The following CLDN10 variants were observed in gnomAD, a reference collection of about 807,000 sequenced individuals.
The protein encoded by CLDN10 is claudin 10.
A neutral mutation model predicts 22.9 loss-of-function variants in CLDN10; 15 were observed. The observed-to-expected ratio is 0.65, with a 90% CI of 0.44 to 1.01. The LOEUF is 1.01. Ranked by LOEUF, CLDN10 falls within the 50% of genes least tolerant of loss-of-function variation. CLDN10 has a pLI of 0.00. For missense variants in CLDN10, 247 were observed against 287.8 expected (o/e 0.86, Z 1.03); for synonymous variants, 114 against 111.4 (o/e 1.02, Z -0.15).
At chr13:95,433,914 G>C in exon 1 of CLDN10, 1 of 1,614,216 alleles carries the variant, frequency 6.2e-7, no homozygotes, top group Non-Finnish European at 8.5e-7. Context: ...CGTCCAATGA[G>C]TGGAAAGTGA....
At chr13:95,550,487 G>A (rs9302080), upstream of CLDN10, among the ~76,000 whole-genome samples, 102,178 of 152,042 alleles carry the variant, frequency 0.67, 34,628 homozygotes, top group African/African-American at 0.72. Context: ...TACCATAGGC[G>A]AGCCACGGTA....
At chr13:95,488,242 CAA>C (rs1270135725) in intron 1 of CLDN10, among the ~76,000 whole-genome samples, 29 of 67,788 alleles carry the variant, frequency 4.3e-4, no homozygotes, top group Non-Finnish European at 4.6e-4. Context: ...GACCCCATCT[CAA>C]AAAAAAAAAA....
chr13:95,470,319 C>CTGGA (rs1233917198), intron 1 of CLDN10, among the ~76,000 whole-genome samples: 1 of 152,116 alleles, frequency 6.6e-6, no homozygotes, highest in Non-Finnish European at 1.5e-5. Flanking sequence ...GTTAACTAGG[C>CTGGA]TGGACTTGAA....
intron 3 of CLDN10, among the ~76,000 whole-genome samples, chr13:95,564,607 T>A (rs2043759043): frequency 6.6e-6 from 1 of 152,214 alleles, no homozygotes; most frequent in Non-Finnish European, 1.5e-5. Flanking sequence ...TTGTATGCCG[T>A]GTTAATTGGA....
intron 1 of CLDN10, among the ~76,000 whole-genome samples, chr13:95,544,924 G>A (rs1047928979): frequency 6.6e-6 from 1 of 151,706 alleles, no homozygotes; most frequent in African/African-American, 2.4e-5. Context: ...TTACAGGTGT[G>A]TGCCACCACA....
At chr13:95,555,077 T>G (rs1005915573) in intron 1 of CLDN10, among the ~76,000 whole-genome samples, 62 of 122,732 alleles carry the variant, frequency 5.1e-4, no homozygotes, top group Admixed American at 1.8e-3. Context: ...TGAGACGGAG[T>G]TTTGCTCTTG....
intron 1 of CLDN10, among the ~76,000 whole-genome samples, chr13:95,540,669 G>A (rs1000998854): frequency 6.6e-6 from 1 of 152,178 alleles, no homozygotes; most frequent in African/African-American, 2.4e-5. Flanking sequence ...TGGGAAATGA[G>A]AAGTGATGTT....
At chr13:95,470,075 C>T (rs1330759229) in intron 1 of CLDN10, among the ~76,000 whole-genome samples, 4 of 152,142 alleles carry the variant, frequency 2.6e-5, no homozygotes, top group Non-Finnish European at 5.9e-5. Context: ...TACTGGGCTA[C>T]ATGGACTTTT....
chr13:95,544,258 C>A (rs1056575723), intron 1 of CLDN10, among the ~76,000 whole-genome samples: 1 of 152,154 alleles, frequency 6.6e-6, no homozygotes, highest in African/African-American at 2.4e-5. Flanking sequence ...ATTCAGGTTG[C>A]TTAACCAAAT....
At chr13:95,451,684 T>C (rs2042432905) in intron 1 of CLDN10, among the ~76,000 whole-genome samples, 2 of 152,340 alleles carry the variant, frequency 1.3e-5, no homozygotes, top group South Asian at 4.1e-4. Flanking sequence ...TTATAAGCCT[T>C]ATGAAGACAG....
chr13:95,511,190 G>A (rs2043093650), intron 1 of CLDN10, among the ~76,000 whole-genome samples: 1 of 151,970 alleles, frequency 6.6e-6, no homozygotes, highest in African/African-American at 2.4e-5. Flanking sequence ...ACATCTGAAA[G>A]TCAGTCAACT....
chr13:95,439,634 T>C (rs1257871216), intron 1 of CLDN10, among the ~76,000 whole-genome samples: 2 of 151,300 alleles, frequency 1.3e-5, no homozygotes, highest in African/African-American at 2.4e-5. Flanking sequence ...ATGCCCAGCC[T>C]CTGGGGCCTC....
chr13:95,524,148 T>A (rs2043252592), intron 1 of CLDN10, among the ~76,000 whole-genome samples: 1 of 150,412 alleles, frequency 6.6e-6, no homozygotes, highest in African/African-American at 2.4e-5. Flanking sequence ...GCTTTTAACA[T>A]TTTTATCTCT....
intron 1 of CLDN10, among the ~76,000 whole-genome samples, chr13:95,526,734 C>A (rs1012539984): frequency 1.3e-5 from 2 of 151,864 alleles, no homozygotes; most frequent in African/African-American, 4.8e-5. Context: ...TTGCAGTGAA[C>A]CAATGTTGCG....
intron 1 of CLDN10, among the ~76,000 whole-genome samples, chr13:95,469,931 T>C (rs1469970984): frequency 6.6e-6 from 1 of 152,196 alleles, no homozygotes; most frequent in Non-Finnish European, 1.5e-5. Context: ...ATGTCAAACA[T>C]TTAAGACAAT....
intron 1 of CLDN10, among the ~76,000 whole-genome samples, chr13:95,499,092 G>A (rs140546872): frequency 5.6e-4 from 86 of 152,332 alleles, no homozygotes; most frequent in African/African-American, 1.8e-3. Flanking sequence ...TCCATCGTAT[G>A]GATAGGCCAC....
chr13:95,470,751 A>G (rs969707652), intron 1 of CLDN10, among the ~76,000 whole-genome samples: 1 of 152,062 alleles, frequency 6.6e-6, no homozygotes, highest in Non-Finnish European at 1.5e-5. Context: ...GCTGTCTTCC[A>G]TTTCAATCAC....
At chr13:95,569,855 G>A (rs1257482535) in intron 3 of CLDN10, among the ~76,000 whole-genome samples, 3 of 149,754 alleles carry the variant, frequency 2.0e-5, no homozygotes, top group Admixed American at 2.0e-4. Flanking sequence ...TGCAAGCACC[G>A]CCTCCTGGGT....
At chr13:95,462,973 G>T (rs764831910) in intron 1 of CLDN10, among the ~76,000 whole-genome samples, 2 of 152,068 alleles carry the variant, frequency 1.3e-5, no homozygotes, top group African/African-American at 2.4e-5. Flanking sequence ...CTAATCAGTG[G>T]CTGTAAGCTG....
Sources: gnomAD v4.1 joint callset for allele counts (sites outside exome capture counted in the v4.1 genomes callset) on GRCh38, gnomAD v4.1.1 for gene constraint, MANE v1.5 for transcripts, NCBI Gene and HGNC (gene_info 2026-07-23, HGNC 2026-07-21) for gene names.